The following SYNJ1 variants were observed in gnomAD, a reference collection of about 807,000 sequenced individuals.
The protein encoded by SYNJ1 is polyphosphatidylinositol phosphatase SYNJ1.
SYNJ1 carries 78 observed loss-of-function variants against 168.2 expected under a neutral mutation model. That is an observed-to-expected ratio of 0.46 (90% confidence interval 0.39 to 0.56). The LOEUF (loss-of-function observed/expected upper bound fraction) is 0.56, where lower values mean the gene tolerates loss of function less well. Ranked by LOEUF, SYNJ1 falls within the 20% of genes least tolerant of loss-of-function variation. The probability of loss-of-function intolerance (pLI) is 0.00; values close to 1 mark genes in which losing one functional copy is unlikely to be tolerated. For synonymous variants in SYNJ1, 539 were observed against 548.6 expected (o/e 0.98, Z 0.24); for missense variants, 1,303 against 1,597.6 (o/e 0.82, Z 3.14).
intron 27 of SYNJ1, among the ~76,000 whole-genome samples, chr21:32,642,664 T>C (rs562313465): frequency 6.6e-6 from 1 of 152,348 alleles, no homozygotes; most frequent in Admixed American, 6.5e-5. Flanking sequence ...AATCCCATCA[T>C]TAAGACAGAA....
At chr21:32,672,059 CAAAAAAA>C (rs1160074724) in intron 14 of SYNJ1, among the ~76,000 whole-genome samples, 198 of 24,672 alleles carry the variant, frequency 8.0e-3, no homozygotes, top group Middle Eastern at 0.042. Context: ...AACTCAATCT[CAAAAAAA>C]AAAAAAAAAA....
intron 11 of SYNJ1, 72 bp from the exon 12 acceptor site, chr21:32,678,873 T>G: frequency 6.4e-7 from 1 of 1,557,942 alleles, no homozygotes; most frequent in Non-Finnish European, 8.6e-7. Flanking sequence ...TTAGGTTTTT[T>G]GAAATTTTAA....
chr21:32,686,887 CT>C (rs1294839968), intron 8 of SYNJ1, 90 bp downstream of exon 8: 2 of 889,364 alleles, frequency 2.2e-6, no homozygotes, highest in South Asian at 1.8e-5. Flanking sequence ...AATTTACTTC[CT>C]GGAAGAATCT....
intron 10 of SYNJ1, among the ~76,000 whole-genome samples, chr21:32,683,777 T>C (rs901687129): frequency 2.6e-5 from 4 of 151,950 alleles, no homozygotes; most frequent in East Asian, 1.9e-4. Context: ...GTTGAAATAC[T>C]ATAAACAGCA....
At chr21:32,644,834 A>T in intron 26 of SYNJ1, 134 bp downstream of exon 26, 1 of 969,622 alleles carries the variant, frequency 1.0e-6, no homozygotes, top group Non-Finnish European at 1.5e-6. Flanking sequence ...AGCCTTTATT[A>T]GTTTTATTTG....
At chr21:32,660,040 C>T (rs1047742372) in intron 18 of SYNJ1, among the ~76,000 whole-genome samples, 2 of 152,196 alleles carry the variant, frequency 1.3e-5, no homozygotes, top group East Asian at 3.9e-4. Context: ...AAAGGAAAAA[C>T]TTATGTTGGC....
chr21:32,668,390 C>A (rs1271598617), intron 15 of SYNJ1, among the ~76,000 whole-genome samples: 1 of 151,994 alleles, frequency 6.6e-6, no homozygotes. Context: ...TTAAACCTAG[C>A]CTAAAGAAGA....
intron 6 of SYNJ1, among the ~76,000 whole-genome samples, chr21:32,693,023 C>T (rs2042080745): frequency 6.6e-6 from 1 of 151,600 alleles, no homozygotes; most frequent in Non-Finnish European, 1.5e-5. Flanking sequence ...AGAGTGAGAC[C>T]CTGTCTCAAA....
chr21:32,727,866 C>G, intron 1 of SYNJ1, 80 bp downstream of exon 1: 1 of 1,518,618 alleles, frequency 6.6e-7, no homozygotes. Context: ...GAGGCAGAGA[C>G]TGGTCTTGGA....
intron 9 of SYNJ1, among the ~76,000 whole-genome samples, chr21:32,685,539 C>T (rs971981836): frequency 6.6e-6 from 1 of 151,546 alleles, no homozygotes; most frequent in Non-Finnish European, 1.5e-5. Flanking sequence ...GCAGAGGCTG[C>T]AGGGAGCTGA....
chr21:32,642,388 C>T (rs2039880411), intron 27 of SYNJ1, among the ~76,000 whole-genome samples: 1 of 150,542 alleles, frequency 6.6e-6, no homozygotes, highest in Non-Finnish European at 1.5e-5. Context: ...TGATATCTCA[C>T]TCATGGGACC....
At chr21:32,682,692 C>T (rs1044376402) in intron 10 of SYNJ1, among the ~76,000 whole-genome samples, 1 of 152,132 alleles carries the variant, frequency 6.6e-6, no homozygotes, top group Non-Finnish European at 1.5e-5. Flanking sequence ...CAACCAATTG[C>T]TATCCTAGGG....
intron 21 of SYNJ1, among the ~76,000 whole-genome samples, 166 bp downstream of exon 21, chr21:32,656,520 CA>C (rs1363399485): frequency 6.6e-6 from 1 of 152,152 alleles, no homozygotes; most frequent in Admixed American, 6.6e-5. Context: ...ATAATATCCA[CA>C]GTATGATCTT....
rs2039857646 is a variant in SYNJ1, at chr21:32,641,944, T to C, written c.3540A>G (p.Gln1180=). The C allele has an allele frequency of 6.2e-7, 1 of 1,613,988 alleles. No homozygotes were observed. Among genetic ancestry groups the C allele is most frequent in the Non-Finnish European group, 8.5e-7 (1 of 1,179,948 alleles). Residue 1180 remains glutamine (Q), a synonymous_variant, in exon 29 of 33, where the codon CAA becomes CAG. Transcript: ENST00000674351. The part of the protein sequence containing the change: ...DNIGRSQPSP[Q]AGLAGPGPAG... ...CAGGTCCTGGGCCTGCAAGTCCTGC[T>C]TGAGGTGAAGGCTGACTGCGTCCTG...
chr21:32,670,208 G>A, intron 15 of SYNJ1, 80 bp downstream of exon 15: 11 of 1,136,052 alleles, frequency 9.7e-6, no homozygotes, highest in Non-Finnish European at 1.4e-5. Context: ...AACTATCCTT[G>A]TAACAATTAC....
intron 22 of SYNJ1, among the ~76,000 whole-genome samples, chr21:32,651,952 C>T (rs1002056247): frequency 6.6e-5 from 10 of 152,044 alleles, no homozygotes; most frequent in Admixed American, 1.3e-4. Context: ...TTTGTGTTTG[C>T]GTATATGCAT....
At chr21:32,680,817 A>C (rs1359356540) in intron 11 of SYNJ1, among the ~76,000 whole-genome samples, 3 of 152,230 alleles carry the variant, frequency 2.0e-5, no homozygotes, top group Non-Finnish European at 4.4e-5. Context: ...TGGTTTCGCT[A>C]TGTTGGCCAG....
intron 26 of SYNJ1, 120 bp downstream of exon 26, chr21:32,644,848 A>G: frequency 9.1e-7 from 1 of 1,093,840 alleles, no homozygotes; most frequent in Non-Finnish European, 1.3e-6. Context: ...TTATTTGTGG[A>G]TTAGTTTTAA....
intron 4 of SYNJ1, among the ~76,000 whole-genome samples, chr21:32,698,209 T>C (rs1412194356): frequency 1.3e-5 from 2 of 151,992 alleles, no homozygotes; most frequent in Non-Finnish European, 2.9e-5. Flanking sequence ...CACATAATGC[T>C]ATAAACCCTG....
Sources: allele counts gnomAD v4.1 joint callset (sites outside exome capture counted in the v4.1 genomes callset), GRCh38; gene constraint gnomAD v4.1.1; transcripts MANE v1.5; gene names NCBI Gene and HGNC (gene_info 2026-07-23, HGNC 2026-07-21).